Variants in NDUFS3 observed in about 807,000 individuals in gnomAD.
The protein encoded by NDUFS3 is NADH:ubiquinone oxidoreductase core subunit S3, also known as NADH dehydrogenase [ubiquinone] iron-sulfur protein 3, mitochondrial.
A neutral mutation model predicts 30.8 loss-of-function variants in NDUFS3; 19 were observed. That is an observed-to-expected ratio of 0.62 (90% CI 0.43 to 0.91). The LOEUF is 0.91. NDUFS3 is among the 40% of genes least tolerant of loss of function. NDUFS3 has a pLI of 0.00. For synonymous variants in NDUFS3, 153 were observed against 135.8 expected, an observed-to-expected ratio of 1.13 and a Z score of -0.88; for missense variants, 331 against 342.0, an observed-to-expected ratio of 0.97 and a Z score of 0.25.
intron 2 of NDUFS3, among the ~76,000 whole-genome samples, chr11:47,580,220 T>G (rs1363381576): frequency 6.6e-6 from 1 of 152,218 alleles, no homozygotes; most frequent in African/African-American, 2.4e-5. Context: ...ACAGGAGAAC[T>G]GAGACTACTG....
At chr11:47,582,049 C>T in intron 4 of NDUFS3, 39 bp from the exon 5 acceptor site, 1 of 1,611,838 alleles carries the variant, frequency 6.2e-7, no homozygotes, top group East Asian at 2.2e-5. Context: ...CAATCAGGGA[C>T]TCCCATCTCA....
chr11:47,580,151 G>C (rs2097267654), intron 2 of NDUFS3, among the ~76,000 whole-genome samples: 1 of 152,166 alleles, frequency 6.6e-6, no homozygotes, highest in Non-Finnish European at 1.5e-5. Context: ...AAACTTGCGT[G>C]CTAAGGAGCT....
chr11:47,581,446 T>G, intron 4 of NDUFS3: 1 of 240,334 alleles, frequency 4.2e-6, no homozygotes, highest in Non-Finnish European at 8.3e-6. Flanking sequence ...TGAGCCACCA[T>G]GCCCGGCCCT....
At chr11:47,583,816 T>C (rs2097269864) in intron 6 of NDUFS3, among the ~76,000 whole-genome samples, 1 of 152,254 alleles carries the variant, frequency 6.6e-6, no homozygotes, top group South Asian at 2.1e-4. Flanking sequence ...TAGCACCTGA[T>C]GATCCTTACC....
chr11:47,579,983 TGACACACACA>T (rs1294805328), intron 2 of NDUFS3, among the ~76,000 whole-genome samples: 1 of 94,386 alleles, frequency 1.1e-5, no homozygotes, highest in East Asian at 2.9e-4. Flanking sequence ...GTTTTCTCAT[TGACACACACA>T]CACACACACA....
intron 4 of NDUFS3, 73 bp from the exon 5 acceptor site, chr11:47,582,015 C>G (rs1431508370): frequency 4.4e-6 from 7 of 1,581,294 alleles, no homozygotes; most frequent in Non-Finnish European, 6.1e-6. Context: ...GAATAGAAGG[C>G]AGGGTCACAG....
At chr11:47,582,265 G>C in intron 5 of NDUFS3, 52 bp downstream of exon 5, 1 of 1,614,240 alleles carries the variant, frequency 6.2e-7, no homozygotes. Flanking sequence ...TGCAGAACTG[G>C]TTCAGACTAC....
chr11:47,583,368 GTAATGATCATTT>G (rs1455268272), intron 6 of NDUFS3, among the ~76,000 whole-genome samples: 2 of 151,972 alleles, frequency 1.3e-5, no homozygotes, highest in Non-Finnish European at 2.9e-5. Flanking sequence ...ATCCATTATT[GTAATGATCATTT>G]TAATGATCAA....
intron 6 of NDUFS3, among the ~76,000 whole-genome samples, chr11:47,583,527 C>G (rs1164327879): frequency 6.6e-6 from 1 of 152,116 alleles, no homozygotes; most frequent in Admixed American, 6.5e-5. Context: ...GAGGTGGGAC[C>G]AGTAACGTGA....
chr11:47,584,207 G>A (rs1301425010), intron 6 of NDUFS3, 107 bp from the exon 7 acceptor site: 11 of 1,458,478 alleles, frequency 7.5e-6, no homozygotes, highest in Non-Finnish European at 7.7e-6. Context: ...GTCAGTAACC[G>A]AGAGGAATGG....
At chr11:47,581,850 G>C in intron 4 of NDUFS3, 2 of 555,440 alleles carry the variant, frequency 3.6e-6, no homozygotes, top group Non-Finnish European at 3.2e-6. Context: ...ATGAGTAGGA[G>C]ACCAGGTAGC....
At chr11:47,583,883 T>A (rs1436924902) in intron 6 of NDUFS3, among the ~76,000 whole-genome samples, 1 of 152,222 alleles carries the variant, frequency 6.6e-6, no homozygotes, top group African/African-American at 2.4e-5. Context: ...CTGCTTTAGA[T>A]CTGGACTGTG....
Position 47,582,230 on chromosome 11 carries a change from G to C in NDUFS3, c.507+17G>C, listed in dbSNP as rs1351903249. The C allele has an allele frequency of 6.2e-7, 1 of 1,614,098 alleles. No individual in the cohort carries two copies. Among genetic ancestry groups the C allele is most frequent in the East Asian group, 2.2e-5 (1 of 44,900 alleles). ...GAAAGGGAGGTGAGTTACCGGATAT[G>C]GTGGACCTGCCTCTGGGCCACAGTT... On this transcript the variant is annotated intron_variant, in intron 5 of 6. Coordinates refer to ENST00000263774, the MANE Select transcript of NDUFS3 (RefSeq NM_004551.3).
At chr11:47,579,774 T>C (rs192371418) in intron 2 of NDUFS3, 3 of 266,378 alleles carry the variant, frequency 1.1e-5, no homozygotes, top group South Asian at 9.5e-5. Context: ...AGAATTAAAC[T>C]GCCCAGGGTC....
In NDUFS3 at chr11:47,582,219, T is replaced by C. The variant is rs1267872851; in HGVS notation, c.507+6T>C. On this transcript the variant is annotated splice_donor_region_variant and intron_variant, in intron 5 of 6. Coordinates refer to ENST00000263774, the MANE Select transcript of NDUFS3 (RefSeq NM_004551.3). ...CCAACTGGTATGAAAGGGAGGTGAG[T>C]TACCGGATATGGTGGACCTGCCTCT... 3.1e-6 allele frequency: 5 copies of C among 1,613,958 alleles called. No individual in the cohort carries two copies. Among genetic ancestry groups the C allele is most frequent in the Non-Finnish European group, 4.2e-6 (5 of 1,180,022 alleles).
Position 47,580,521 on chromosome 11 carries a change from C to G in NDUFS3, c.134-4C>G. On this transcript the variant is annotated splice_polypyrimidine_tract_variant and splice_region_variant and intron_variant, in intron 2 of 6. Transcript: ENST00000263774. ...TCTTTTTTAAATATGCCTTTTCCTT[C>G]CAGCCACTGTCAGACCACGGAATGA... The G allele has an allele frequency of 1.9e-6, 3 of 1,614,130 alleles. No homozygotes were observed. In the South Asian group the frequency reaches 3.3e-5, roughly 18 times the overall value.
At position 47,579,350 on chromosome 11, in the gene NDUFS3, C is replaced by CAG; in HGVS notation, c.133+17_133+18dup. On this transcript the variant is annotated intron_variant, in intron 2 of 6. Coordinates refer to ENST00000263774, the MANE Select transcript of NDUFS3 (RefSeq NM_004551.3). ...GACACGCGCCGTGAGTATGTGCGGG[C>CAG]AGCGCTCTTCTCTGAACTATCGGCG... The CAG allele has an allele frequency of 1.2e-6, 2 of 1,613,224 alleles. No individual in the cohort carries two copies. The highest frequency in any genetic ancestry group is 1.7e-6 in the Non-Finnish European group (2 of 1,180,026).
At position 47,580,438 on chromosome 11, in the gene NDUFS3, T is replaced by C. The variant is rs2097267963; in HGVS notation, c.134-87T>C. Reference sequence around the variant, plus strand: ...TGCTTCAGGGAGCCTTTCCTGGATTTGACATCCCTTACAAGCCTAAGAGAC... The same window carrying C: ...TGCTTCAGGGAGCCTTTCCTGGATTCGACATCCCTTACAAGCCTAAGAGAC... On this transcript the variant is annotated intron_variant, in intron 2 of 6. Coordinates refer to ENST00000263774, the MANE Select transcript of NDUFS3 (RefSeq NM_004551.3). The C allele has an allele frequency of 3.6e-5, 45 of 1,256,714 alleles. No individual in the cohort carries two copies. The South Asian group carries it at 5.4e-4, about 15-fold the overall frequency. The allele number at this position is 1,256,714 out of a possible 1,614,324, so 77.8% of individuals were successfully genotyped here. A position where few individuals can be genotyped will look rare whatever the true frequency, so the allele number is the denominator to read the frequency against.
intron 4 of NDUFS3, 127 bp from the exon 5 acceptor site, chr11:47,581,961 G>C (rs1260632737): frequency 3.1e-6 from 4 of 1,295,068 alleles, no homozygotes; most frequent in Non-Finnish European, 1.1e-6. Context: ...TGGGCCTTTG[G>C]AAGTAGTTGT....
Sources: allele counts gnomAD v4.1 joint callset (sites outside exome capture counted in the v4.1 genomes callset), GRCh38; gene constraint gnomAD v4.1.1; transcripts MANE v1.5; gene names NCBI Gene and HGNC (gene_info 2026-07-23, HGNC 2026-07-21).